RFC3: variants seen among roughly 807,000 people sequenced by gnomAD.
RFC3 encodes the protein replication factor C subunit 3, also known as A1 38 kDa subunit.
Under a neutral mutation model 45.1 loss-of-function variants are expected in RFC3, and 41 were observed. That is an observed-to-expected ratio of 0.91 (90% CI 0.71 to 1.18). The LOEUF (loss-of-function observed/expected upper bound fraction) is 1.18, where lower values mean the gene tolerates loss of function less well. Ranked by LOEUF, RFC3 falls within the 50% of genes most tolerant of loss-of-function variation. The probability of loss-of-function intolerance (pLI) is 0.00; values close to 1 mark genes in which losing one functional copy is unlikely to be tolerated. For missense variants in RFC3, 423 were observed against 428.1 expected (o/e 0.99, Z 0.10); for synonymous variants, 149 against 144.0 (o/e 1.03, Z -0.25).
chr13:33,891,308 C>A (rs944264895), intron 8 of RFC3, among the ~76,000 whole-genome samples: 3 of 152,092 alleles, frequency 2.0e-5, no homozygotes, highest in Admixed American at 1.3e-4. Flanking sequence ...TTAATGCATT[C>A]TTTTTATTCA....
the RFC3 span, among the ~76,000 whole-genome samples, chr13:33,972,628 A>G: frequency 1.3e-5 from 2 of 152,192 alleles, no homozygotes; most frequent in Non-Finnish European, 2.9e-5. Flanking sequence ...CCAAATGGAC[A>G]CCAAACTCTG....
intron 8 of RFC3, among the ~76,000 whole-genome samples, chr13:33,896,124 A>G (rs866677515): frequency 1.3e-5 from 2 of 151,970 alleles, no homozygotes; most frequent in Non-Finnish European, 1.5e-5. Context: ...TGTTTGCATA[A>G]CAAAAAAACC....
intron 8 of RFC3, among the ~76,000 whole-genome samples, chr13:33,916,804 G>A (rs2082736590): frequency 6.7e-6 from 1 of 150,012 alleles, no homozygotes; most frequent in African/African-American, 2.5e-5. Context: ...GTATGTATAT[G>A]TGTGTATATA....
chr13:33,846,278 A>G (rs1314321022), intron 8 of RFC3: 1 of 152,192 alleles, frequency 6.6e-6, no homozygotes, highest in Admixed American at 6.5e-5. Flanking sequence ...CCTGGGTACA[A>G]CTGATGTTTT....
chr13:33,906,281 A>G (rs2082671136), intron 8 of RFC3, among the ~76,000 whole-genome samples: 1 of 151,860 alleles, frequency 6.6e-6, no homozygotes, highest in Non-Finnish European at 1.5e-5. Context: ...GTAAATCAAG[A>G]GAGATTGATT....
chr13:33,920,421 T>A (rs1445577424), intron 8 of RFC3, among the ~76,000 whole-genome samples: 1 of 71,442 alleles, frequency 1.4e-5, no homozygotes, highest in Non-Finnish European at 2.3e-5. Flanking sequence ...ACAACCACAC[T>A]TTTTTTTTTT....
At chr13:33,966,973 ATGGCGAAACCCCG>A (rs1253022775), downstream of RFC3, among the ~76,000 whole-genome samples, 1 of 152,068 alleles carries the variant, frequency 6.6e-6, no homozygotes, top group Non-Finnish European at 1.5e-5. Flanking sequence ...CCTGGGCAAC[ATGGCGAAACCCCG>A]TCTCTACTAA....
At chr13:33,969,833 G>A (rs1226091454), downstream of RFC3, among the ~76,000 whole-genome samples, 1 of 151,296 alleles carries the variant, frequency 6.6e-6, no homozygotes, top group Admixed American at 6.6e-5. Flanking sequence ...AATTATATGT[G>A]AGCATATTTC....
chr13:33,936,908 C>T (rs2082890115), intron 8 of RFC3, among the ~76,000 whole-genome samples: 1 of 152,088 alleles, frequency 6.6e-6, no homozygotes, highest in Non-Finnish European at 1.5e-5. Context: ...GTATAATTGA[C>T]ATAGGAAACA....
chr13:33,904,303 T>A (rs2082659171), intron 8 of RFC3, among the ~76,000 whole-genome samples: 1 of 152,056 alleles, frequency 6.6e-6, no homozygotes, highest in Non-Finnish European at 1.5e-5. Flanking sequence ...ACTTTCCTGT[T>A]TTTTTCTTCC....
rs529601321 is a variant in RFC3 at position 33,829,699 on chromosome 13, T to C, written c.392-137T>C. On this transcript the variant is annotated intron_variant, in intron 4 of 8. Coordinates refer to ENST00000380071, the MANE Select transcript of RFC3 (RefSeq NM_002915.4). ...AGTAATTTTACCATACTTATAACTT[T>C]ATCTTTGCCAATGGGAAGAGTAGTA... The C allele has an allele frequency of 7.2e-6, 5 of 695,852 alleles. No individual in the cohort carries two copies. The Admixed American group carries it at 1.3e-4, about 18-fold the overall frequency. The allele number at this position is 695,852 out of a possible 1,614,324, so 43.1% of individuals were successfully genotyped here.
chr13:33,910,862 A>G (rs529699752), intron 8 of RFC3, among the ~76,000 whole-genome samples: 9 of 152,110 alleles, frequency 5.9e-5, no homozygotes, highest in Admixed American at 4.6e-4. Context: ...GTGGAAGGCA[A>G]AGGGGGAGCA....
chr13:33,843,511 TC>T (rs2082215268), intron 8 of RFC3, among the ~76,000 whole-genome samples: 1 of 152,204 alleles, frequency 6.6e-6, no homozygotes, highest in Non-Finnish European at 1.5e-5. Flanking sequence ...TTAAGCAACT[TC>T]CTGAAGAGCA....
At chr13:33,837,918 A>G (rs957347520), downstream of RFC3, among the ~76,000 whole-genome samples, 1 of 151,710 alleles carries the variant, frequency 6.6e-6, no homozygotes, top group Non-Finnish European at 1.5e-5. Flanking sequence ...CTTAGTTCAA[A>G]CTTTTCTGAT....
At chr13:33,876,125 TATTTC>T (rs1334932600) in intron 8 of RFC3, among the ~76,000 whole-genome samples, 1 of 152,072 alleles carries the variant, frequency 6.6e-6, no homozygotes, top group Admixed American at 6.5e-5. Context: ...TTTATTGTAT[TATTTC>T]AGTTCCCACT....
At chr13:33,891,043 A>T (rs2082560329) in intron 8 of RFC3, among the ~76,000 whole-genome samples, 1 of 152,216 alleles carries the variant, frequency 6.6e-6, no homozygotes, top group South Asian at 2.1e-4. Context: ...GAAAAAGGTT[A>T]TAATTTCCAA....
At chr13:33,932,369 A>C (rs774855737) in intron 8 of RFC3, among the ~76,000 whole-genome samples, 38 of 152,142 alleles carry the variant, frequency 2.5e-4, no homozygotes, top group Non-Finnish European at 5.0e-4. Flanking sequence ...TGTGACTTTC[A>C]TTGGAATTGT....
Position 33,836,876 on chromosome 13 carries a change from A to G in RFC3, c.*581A>G, listed in dbSNP as rs984329072. On this transcript the variant is annotated 3_prime_UTR_variant, in exon 9 of 9. Transcript: ENST00000380071. ...ATTAGTATTAGGTCGGTACTAAGAA[A>G]TAAGCATGTTTTCACTAATTTAAGT... 6 of 984,560 alleles carry G rather than the reference A, an allele frequency of 6.1e-6. No individual in the cohort carries two copies. The highest frequency in any genetic ancestry group is 3.5e-5 in the African/African-American group (2 of 57,212). 61.0% of individuals were successfully genotyped at this position (984,560 alleles called of 1,614,324 possible).
chr13:33,946,424 C>T (rs78416286), intron 8 of RFC3, among the ~76,000 whole-genome samples: 9,258 of 152,154 alleles, frequency 0.061, 363 homozygotes, highest in Non-Finnish European at 0.091. Context: ...TTATTGAGGA[C>T]TCCCAAGAGC....
Sources: allele counts gnomAD v4.1 joint callset (sites outside exome capture counted in the v4.1 genomes callset), GRCh38; gene constraint gnomAD v4.1.1; transcripts MANE v1.5; gene names NCBI Gene and HGNC (gene_info 2026-07-23, HGNC 2026-07-21).